Variants in DRC11 observed in about 807,000 individuals in gnomAD.
DRC11 encodes IQ and AAA domain-containing protein 1.
the DRC11 span, among the ~76,000 whole-genome samples, chr2:236,402,269 CCT>C: frequency 2.6e-5 from 4 of 152,348 alleles, no homozygotes; most frequent in African/African-American, 7.2e-5. This position sits in a 1 kb window ranked among gnomAD's most constrained non-coding sequence, Gnocchi z 6.0. Context: ...CCCACAGCCC[CCT>C]GAGACCACGG....
At chr2:236,333,882 C>A in the DRC11 span, among the ~76,000 whole-genome samples, 1 of 152,176 alleles carries the variant, frequency 6.6e-6, no homozygotes, top group Non-Finnish European at 1.5e-5. This position sits in a 1 kb window ranked among gnomAD's most constrained non-coding sequence, Gnocchi z 6.0. Context: ...TTTCTCCGAG[C>A]TGTGGACAAT....
At chr2:236,344,462 AAGGCAAGACCTTCTCAAAAAGTAGAGGT>A in the DRC11 span, 1 of 790,594 alleles carries the variant, frequency 1.3e-6, no homozygotes, top group East Asian at 2.6e-5. Flanking sequence ...CTCGCTTGAA[AAGGCAAGACCTTCTCAAAAAGTAGAGGT>A]AGGCCTTGGT....
the DRC11 span, among the ~76,000 whole-genome samples, chr2:236,337,614 C>G: frequency 6.6e-6 from 1 of 152,230 alleles, no homozygotes; most frequent in East Asian, 1.9e-4. This position sits in a 1 kb window ranked among gnomAD's most constrained non-coding sequence, Gnocchi z 4.9. Flanking sequence ...CTGAGAGCCC[C>G]AGCCCAGGCT....
At chr2:236,373,567 C>T in the DRC11 span, among the ~76,000 whole-genome samples, 1 of 152,152 alleles carries the variant, frequency 6.6e-6, no homozygotes, top group Non-Finnish European at 1.5e-5. Flanking sequence ...TGTATATTAA[C>T]CTGTTTTGAA....
the DRC11 span, among the ~76,000 whole-genome samples, chr2:236,338,959 G>A: frequency 1.3e-5 from 2 of 152,232 alleles, no homozygotes; most frequent in Non-Finnish European, 2.9e-5. Flanking sequence ...ACCCCAGGGA[G>A]GACGACTTCC....
chr2:236,436,584 A>T, the DRC11 span, among the ~76,000 whole-genome samples: 1 of 152,136 alleles, frequency 6.6e-6, no homozygotes, highest in African/African-American at 2.4e-5. Flanking sequence ...ATTATTTATT[A>T]GTCTGTCCTT....
the DRC11 span, among the ~76,000 whole-genome samples, chr2:236,459,660 CATACGTATATACGTATATAT>C: frequency 2.0e-4 from 20 of 101,526 alleles, no homozygotes; most frequent in Middle Eastern, 6.8e-3. Context: ...TATGTATATA[CATACGTATATACGTATATAT>C]GTATATACAT....
chr2:236,362,855 C>T, the DRC11 span, among the ~76,000 whole-genome samples: 2 of 152,114 alleles, frequency 1.3e-5, no homozygotes, highest in African/African-American at 2.4e-5. This position sits in a 1 kb window ranked among gnomAD's most constrained non-coding sequence, Gnocchi z 5.7. Flanking sequence ...TGTCCTGAGT[C>T]GCTGCAGTGG....
the DRC11 span, among the ~76,000 whole-genome samples, chr2:236,349,901 C>T: frequency 6.6e-6 from 1 of 152,178 alleles, no homozygotes; most frequent in Non-Finnish European, 1.5e-5. The surrounding 1 kb of genome is among the most constrained non-coding windows in gnomAD (Gnocchi z 5.5). Flanking sequence ...AAAACAAAAG[C>T]AACCGTCTCT....
the DRC11 span, chr2:236,488,028 G>GT: frequency 6.2e-7 from 1 of 1,601,280 alleles, no homozygotes; most frequent in South Asian, 1.1e-5. Context: ...AGCAGCCCAG[G>GT]TATCTGTCAC....
the DRC11 span, among the ~76,000 whole-genome samples, chr2:236,339,283 G>A: frequency 2.0e-5 from 3 of 152,282 alleles, no homozygotes; most frequent in Non-Finnish European, 4.4e-5. Flanking sequence ...TTATTGAGTT[G>A]TAAGGGTTCT....
At chr2:236,474,449 C>T in the DRC11 span, among the ~76,000 whole-genome samples, 1 of 152,060 alleles carries the variant, frequency 6.6e-6, no homozygotes, top group African/African-American at 2.4e-5. Context: ...TAGCCATTGC[C>T]TAAGTTTCTG....
chr2:236,437,206 C>T, the DRC11 span, among the ~76,000 whole-genome samples: 2 of 142,896 alleles, frequency 1.4e-5, no homozygotes, highest in African/African-American at 5.2e-5. Context: ...GTTTTTTGTT[C>T]TTGCGATAGT....
the DRC11 span, chr2:236,497,320 T>C: frequency 1.9e-6 from 3 of 1,613,984 alleles, no homozygotes; most frequent in Non-Finnish European, 2.5e-6. This position sits in a 1 kb window ranked among gnomAD's most constrained non-coding sequence, Gnocchi z 5.1. Flanking sequence ...GAACTGGTCG[T>C]AGACATTCTC....
the DRC11 span, chr2:236,503,628 T>C: frequency 7.7e-6 from 12 of 1,549,880 alleles, no homozygotes; most frequent in Non-Finnish European, 6.1e-6. The surrounding 1 kb of genome is among the most constrained non-coding windows in gnomAD (Gnocchi z 4.9). Flanking sequence ...CCTGCATCAT[T>C]ACCTGTTTTC....
chr2:236,408,476 T>G, the DRC11 span: 1 of 738,706 alleles, frequency 1.4e-6, no homozygotes, highest in Non-Finnish European at 2.5e-6. The surrounding 1 kb of genome is among the most constrained non-coding windows in gnomAD (Gnocchi z 5.5). Flanking sequence ...TGCTCTAGCC[T>G]CTCCCGGCCC....
the DRC11 span, chr2:236,338,085 G>T: frequency 1.1e-6 from 1 of 909,440 alleles, no homozygotes; most frequent in Non-Finnish European, 1.6e-6. Context: ...ACCCCACCGG[G>T]TGCAGGCTCC....
the DRC11 span, among the ~76,000 whole-genome samples, chr2:236,321,632 A>G: frequency 0.3 from 45,231 of 152,070 alleles, 9,309 homozygotes; most frequent in African/African-American, 0.59. Flanking sequence ...AGAAAAGTGT[A>G]TGTATCTTTG....
chr2:236,463,521 A>G, the DRC11 span, among the ~76,000 whole-genome samples: 1 of 152,236 alleles, frequency 6.6e-6, no homozygotes, highest in African/African-American at 2.4e-5. This position sits in a 1 kb window ranked among gnomAD's most constrained non-coding sequence, Gnocchi z 5.0. Flanking sequence ...ATTGTATTGT[A>G]GGAAAAGATG....
Sources: gnomAD v4.1 joint callset for allele counts (sites outside exome capture counted in the v4.1 genomes callset) on GRCh38, gnomAD v4.1.1 for gene constraint, Gnocchi (gnomAD v3.1) non-coding constraint, MANE v1.5 for transcripts, NCBI Gene and HGNC (gene_info 2026-07-23, HGNC 2026-07-21) for gene names.